Variants in JADE2 observed in about 807,000 individuals in gnomAD.
JADE2 encodes the protein E3 ubiquitin-protein ligase Jade-2.
In JADE2, 13 loss-of-function variants were observed where a neutral mutation model predicts 85.7. The ratio of observed to expected loss-of-function variants is 0.15; its 90% CI spans 0.10 to 0.24. JADE2 has a LOEUF of 0.24. Ranked by LOEUF, JADE2 falls within the 10% of genes least tolerant of loss-of-function variation. The probability of loss-of-function intolerance (pLI) is 1.00; values close to 1 mark genes in which losing one functional copy is unlikely to be tolerated. For missense variants in JADE2, 846 were observed against 1,115.9 expected (o/e 0.76, Z 3.45); for synonymous variants, 440 against 456.1 (o/e 0.96, Z 0.45).
Position 134,579,406 on chromosome 5 carries a change from T to G in JADE2, c.*89T>G. 3.8e-6 allele frequency: 4 copies of G among 1,055,712 alleles called. No homozygotes were observed. Among genetic ancestry groups the G allele is most frequent in the East Asian group, 2.6e-5 (1 of 38,378 alleles). 65.4% of individuals were successfully genotyped at this position (1,055,712 alleles called of 1,614,324 possible). ...ACTGCCATTTCCAGTCTCTGCTGAG[T>G]GTCCCAGACCCTCGAGGCTGCCACT... On this transcript the variant is annotated 3_prime_UTR_variant, in exon 12 of 12. Transcript: ENST00000681547. This position sits in a 1 kb window ranked among gnomAD's most constrained non-coding sequence, Gnocchi z 4.6.
chr5:134,554,138 C>T (rs932124579), intron 4 of JADE2, among the ~76,000 whole-genome samples: 6 of 152,180 alleles, frequency 3.9e-5, no homozygotes, highest in Admixed American at 6.5e-5. Flanking sequence ...ACCCTCATTT[C>T]GTGGCAGCTG....
At chr5:134,556,520 A>C (rs1336913028) in intron 4 of JADE2, among the ~76,000 whole-genome samples, 1 of 85,780 alleles carries the variant, frequency 1.2e-5, no homozygotes, top group Non-Finnish European at 2.4e-5. Flanking sequence ...ACATCACACA[A>C]CACATACACA....
intron 9 of JADE2, among the ~76,000 whole-genome samples, chr5:134,569,654 A>G (rs1763871693): frequency 6.6e-6 from 1 of 152,056 alleles, no homozygotes; most frequent in Non-Finnish European, 1.5e-5. Flanking sequence ...TGGCCTGAGG[A>G]GGAGGCCAAG....
Position 134,564,480 on chromosome 5 carries a change from T to C in JADE2, c.853-14T>C, listed in dbSNP as rs756247089. 5 of 1,555,876 alleles carry C rather than the reference T, an allele frequency of 3.2e-6. No homozygotes were observed. The highest frequency in any genetic ancestry group is 4.4e-6 in the Non-Finnish European group (5 of 1,144,512). ...GGATGAGAGGAATGATGCAGCCCCC[T>C]GTGTCCTGCCCAGGTCAGCATCGGC... On this transcript the variant is annotated splice_polypyrimidine_tract_variant and intron_variant, in intron 7 of 11. Coordinates refer to ENST00000681547, the MANE Select transcript of JADE2 (RefSeq NM_001388185.1).
In JADE2 at chr5:134,566,201, A is replaced by G. The variant is rs766289765; in HGVS notation, c.1055A>G (p.Asn352Ser). Residue 352 changes from asparagine to serine, a missense_variant, in exon 9 of 12, where the codon AAC becomes AGC. Asn to Ser is a conservative substitution (Grantham distance 46). This residue lies in a region of JADE2 where 39 missense variants were observed against 37.6 expected (regional missense o/e 1.04). Coordinates refer to ENST00000681547, the MANE Select transcript of JADE2 (RefSeq NM_001388185.1). The surrounding 1 kb of genome is among the most constrained non-coding windows in gnomAD (Gnocchi z 6.7). Reference protein sequence around the residue: ...GLEMRTILADNDEVKFKSFCQ... With the variant: ...GLEMRTILADSDEVKFKSFCQ... Reference sequence around the variant, plus strand: ...GAAATGCGGACTATATTAGCAGACAACGATGAGGTCAAGTTCAAGTCATTC... The same window carrying G: ...GAAATGCGGACTATATTAGCAGACAGCGATGAGGTCAAGTTCAAGTCATTC... 4.3e-6 allele frequency: 7 copies of G among 1,614,144 alleles called. No individual in the cohort carries two copies. The highest frequency in any genetic ancestry group is 5.9e-6 in the Non-Finnish European group (7 of 1,180,032).
chr5:134,552,574 AT>A lies in JADE2; in HGVS notation c.311+366del, dbSNP rs574972119. On this transcript the variant is annotated intron_variant, in intron 4 of 11. Transcript: ENST00000681547. ...GCAGTTGTAATGTTGAGATAATGGA[AT>A]GAAATGACGCATGGAAGGCACTTGG... 2.3e-3 allele frequency among the ~76,000 whole-genome samples: 352 copies of A among 152,366 alleles called. 2 individuals carry two copies. The highest frequency in any genetic ancestry group is 3.5e-3 in the Non-Finnish European group (235 of 68,030).
chr5:134,554,828 G>T (rs1337279846), intron 4 of JADE2, among the ~76,000 whole-genome samples: 1 of 152,214 alleles, frequency 6.6e-6, no homozygotes, highest in Non-Finnish European at 1.5e-5. Context: ...CCTGGTAGCT[G>T]CCCGGGTCAG....
chr5:134,571,473 C>A (rs780412172), intron 9 of JADE2, among the ~76,000 whole-genome samples: 1 of 152,110 alleles, frequency 6.6e-6, no homozygotes, highest in East Asian at 1.9e-4. Flanking sequence ...CCAAGGTGGG[C>A]GGATCAGGAG....
intron 4 of JADE2, among the ~76,000 whole-genome samples, chr5:134,558,956 C>T (rs1020041040): frequency 1.2e-4 from 18 of 152,204 alleles, no homozygotes; most frequent in Non-Finnish European, 2.2e-4. Flanking sequence ...CCACACCCTG[C>T]GGGCAGGCCT....
chr5:134,548,430 G>C (rs1240669591), intron 3 of JADE2, among the ~76,000 whole-genome samples: 1 of 152,170 alleles, frequency 6.6e-6, no homozygotes. Flanking sequence ...AGAGTGGGTG[G>C]AGGGGCTAAT....
chr5:134,531,638 A>C (rs573846758), intron 1 of JADE2, among the ~76,000 whole-genome samples: 6 of 151,846 alleles, frequency 4.0e-5, no homozygotes, highest in African/African-American at 1.2e-4. Flanking sequence ...GCTGGAGGGC[A>C]ATGGCACAAT....
rs1764661370 is a variant in JADE2 at position 134,580,529 on chromosome 5, G to T, written c.*1212G>T. On this transcript the variant is annotated 3_prime_UTR_variant, in exon 12 of 12. Transcript: ENST00000681547. ...AGAGTTTCAGTAGAGTGGCCCCAGG[G>T]TGATAGCTCAGGGAACAACAAAAAA... is the stretch of plus-strand genomic sequence containing the variant. The T allele has an allele frequency of 6.6e-6, 1 of 150,444 alleles. No homozygotes were observed. The highest frequency in any genetic ancestry group is 2.5e-5 in the African/African-American group (1 of 40,734). 9.3% of individuals were successfully genotyped at this position (150,444 alleles called of 1,614,324 possible).
chr5:134,536,379 A>G (rs545977909), intron 2 of JADE2, among the ~76,000 whole-genome samples: 1 of 152,306 alleles, frequency 6.6e-6, no homozygotes, highest in South Asian at 2.1e-4. Flanking sequence ...GATCTGGCAC[A>G]TAGTAGATGC....
At chr5:134,565,996 T>G in intron 8 of JADE2, 120 bp from the exon 9 acceptor site, 2 of 842,756 alleles carry the variant, frequency 2.4e-6, no homozygotes, top group Non-Finnish European at 3.7e-6. Context: ...CCCATGCCAT[T>G]CTGTTTAGGT....
intron 9 of JADE2, among the ~76,000 whole-genome samples, chr5:134,572,877 C>T (rs1764124042): frequency 1.3e-5 from 2 of 152,250 alleles, no homozygotes; most frequent in East Asian, 3.9e-4. Flanking sequence ...CCAAGGGGCT[C>T]TTCCCAGCTG....
chr5:134,556,264 CA>C, intron 4 of JADE2, among the ~76,000 whole-genome samples: 1 of 152,334 alleles, frequency 6.6e-6, no homozygotes, highest in Non-Finnish European at 1.5e-5. Flanking sequence ...CCATGGCAAC[CA>C]GCGGGGGGTG....
At chr5:134,559,761 C>T in intron 4 of JADE2, 69 bp from the exon 5 acceptor site, 1 of 1,518,474 alleles carries the variant, frequency 6.6e-7, no homozygotes, top group Non-Finnish European at 8.9e-7. Context: ...GACTGGTCAG[C>T]TCCCTGGAGC....
chr5:134,579,540 G>T lies in JADE2; in HGVS notation c.*223G>T. 1 of 545,114 alleles carries T rather than the reference G, an allele frequency of 1.8e-6. No individual in the cohort carries two copies. The highest frequency in any genetic ancestry group is 2.9e-5 in the East Asian group (1 of 34,398). 33.8% of individuals were successfully genotyped at this position (545,114 alleles called of 1,614,324 possible). On this transcript the variant is annotated 3_prime_UTR_variant, in exon 12 of 12. Transcript: ENST00000681547. The surrounding 1 kb of genome is among the most constrained non-coding windows in gnomAD (Gnocchi z 4.6). ...ATTCCTTCCACGGCTCCGGCCGCTA[G>T]GACCCTGCCAGGTCCCGCGCACCAT...
intron 1 of JADE2, among the ~76,000 whole-genome samples, chr5:134,528,396 C>A (rs1230091703): frequency 6.6e-6 from 1 of 152,082 alleles, no homozygotes; most frequent in Non-Finnish European, 1.5e-5. Flanking sequence ...CTTCCTTAGA[C>A]GGGCTGGGAC....
Sources: allele counts gnomAD v4.1 joint callset (sites outside exome capture counted in the v4.1 genomes callset), GRCh38; gene constraint gnomAD v4.1.1; regional missense constraint gnomAD v4.1.1; non-coding constraint Gnocchi (gnomAD v3.1); transcripts MANE v1.5; gene names NCBI Gene and HGNC (gene_info 2026-07-23, HGNC 2026-07-21).